The following DAB1 variants were observed in gnomAD, a reference collection of about 807,000 sequenced individuals.
The protein encoded by DAB1 is DAB adaptor protein 1.
Under a neutral mutation model 64.6 loss-of-function variants are expected in DAB1, and 15 were observed. The observed-to-expected ratio is 0.23, with a 90% CI of 0.16 to 0.36. The LOEUF is 0.36. Among genes scored for constraint, DAB1 ranks in the 10% least tolerant of loss-of-function variants. The probability of loss-of-function intolerance (pLI) is 1.00; values close to 1 mark genes in which losing one functional copy is unlikely to be tolerated. For missense variants in DAB1, 596 were observed against 706.7 expected (o/e 0.84, Z 1.78); for synonymous variants, 235 against 251.9 (o/e 0.93, Z 0.64).
chr1:57,332,140 T>G (rs1215156695), intron 1 of DAB1, among the ~76,000 whole-genome samples: 1 of 152,124 alleles, frequency 6.6e-6, no homozygotes, highest in Non-Finnish European at 1.5e-5. Flanking sequence ...ATTTTTGTAT[T>G]TTTAGTAGAG....
chr1:57,557,419 TAC>T (rs910093918), intron 7 of DAB1, among the ~76,000 whole-genome samples: 1 of 151,906 alleles, frequency 6.6e-6, no homozygotes, highest in African/African-American at 2.4e-5. Flanking sequence ...TATATATATA[TAC>T]ACACACACAT....
At chr1:58,324,971 T>C (rs545781380) in intron 4 of DAB1, among the ~76,000 whole-genome samples, 1 of 152,346 alleles carries the variant, frequency 6.6e-6, no homozygotes, top group African/African-American at 2.4e-5. Flanking sequence ...CTAACCAACT[T>C]GTTTTTCTTT....
At chr1:57,931,149 A>C (rs1644947448) in intron 5 of DAB1, among the ~76,000 whole-genome samples, 1 of 152,184 alleles carries the variant, frequency 6.6e-6, no homozygotes, top group African/African-American at 2.4e-5. Context: ...GTGATGGATT[A>C]TGTTATTTCA....
rs537763182 is a variant in DAB1, at chr1:57,520,470, G to GTTTA, written n.625+129121_625+129122insTAAA. ...TAAGGGTCAATTTTTTTGTTTGTTT[G>GTTTA]TTTTGCATATATTGTTCTTTAGTTT... On this transcript the variant is annotated intron_variant and non_coding_transcript_variant, in intron 7 of 20. Coordinates refer to the DAB1 transcript ENST00000485760. Among the ~76,000 whole-genome samples the GTTTA allele has an allele frequency of 3.9e-5, 6 of 151,926 alleles. No individual in the cohort carries two copies. In the South Asian group the frequency reaches 8.3e-4, roughly 21 times the overall value.
At chr1:58,122,362 G>A (rs1652798817) in intron 5 of DAB1, among the ~76,000 whole-genome samples, 1 of 152,134 alleles carries the variant, frequency 6.6e-6, no homozygotes, top group South Asian at 2.1e-4. Context: ...AAAATAGTAG[G>A]ATGACTTTGG....
chr1:57,141,092 A>T (rs541441767), intron 3 of DAB1, among the ~76,000 whole-genome samples: 4 of 152,206 alleles, frequency 2.6e-5, no homozygotes, highest in Admixed American at 1.3e-4. Flanking sequence ...AGAAAGCCCC[A>T]TGTAATAAGC....
chr1:57,439,428 T>TTTTTTTTTG (rs1685837083), intron 7 of DAB1, among the ~76,000 whole-genome samples: 1 of 119,820 alleles, frequency 8.3e-6, no homozygotes, highest in African/African-American at 3.3e-5. Flanking sequence ...GTTTTTTCTT[T>TTTTTTTTTG]TTTTTTTTTT....
chr1:57,867,677 C>T lies in DAB1; in HGVS notation n.87+16322G>A, dbSNP rs548592903. 2.6e-5 allele frequency among the ~76,000 whole-genome samples: 4 copies of T among 152,220 alleles called. No homozygotes were observed. The East Asian group carries it at 7.7e-4, about 29-fold the overall frequency. ...TAATCTGAATAATTCCAGGGCTCTC[C>T]ATTTTTCTAGATAAAGACACGGAGG... On this transcript the variant is annotated intron_variant and non_coding_transcript_variant, in intron 1 of 1. Transcript: ENST00000477280.
chr1:58,116,584 G>C (rs945199739), intron 5 of DAB1, among the ~76,000 whole-genome samples: 3 of 152,212 alleles, frequency 2.0e-5, no homozygotes, highest in African/African-American at 7.2e-5. Flanking sequence ...TGAGTGGACT[G>C]TGAGTCAGAG....
chr1:57,545,635 T>C (rs1328082112), intron 7 of DAB1, among the ~76,000 whole-genome samples: 1 of 152,208 alleles, frequency 6.6e-6, no homozygotes, highest in Non-Finnish European at 1.5e-5. Context: ...GTAATGATAA[T>C]AAGTCATCTA....
chr1:58,447,203 T>C (rs895440408), intron 3 of DAB1, among the ~76,000 whole-genome samples: 5 of 152,206 alleles, frequency 3.3e-5, no homozygotes, highest in Non-Finnish European at 7.3e-5. Flanking sequence ...AAGGGTTTGC[T>C]TGACTGTCAT....
chr1:58,379,310 A>C (rs1173646725), intron 3 of DAB1, among the ~76,000 whole-genome samples: 2 of 152,348 alleles, frequency 1.3e-5, no homozygotes, highest in East Asian at 1.9e-4. Flanking sequence ...TAAATCAATA[A>C]TTTTTAAATC....
At chr1:57,539,249 T>C (rs1644766999) in intron 7 of DAB1, among the ~76,000 whole-genome samples, 1 of 152,236 alleles carries the variant, frequency 6.6e-6, no homozygotes, top group South Asian at 2.1e-4. Flanking sequence ...CTTGGGTGAT[T>C]ACATGAATTG....
intron 3 of DAB1, among the ~76,000 whole-genome samples, chr1:58,494,650 CA>C: frequency 6.6e-6 from 1 of 152,124 alleles, no homozygotes; most frequent in South Asian, 2.1e-4. Context: ...TTTATGCAGC[CA>C]AAAGACACAT....
intron 7 of DAB1, among the ~76,000 whole-genome samples, chr1:57,540,623 A>T (rs1263062700): frequency 6.6e-6 from 1 of 152,244 alleles, no homozygotes; most frequent in African/African-American, 2.4e-5. Flanking sequence ...CCATAAAAAA[A>T]GAATAAAATC....
At chr1:57,964,648 A>G (rs922596509) in intron 5 of DAB1, among the ~76,000 whole-genome samples, 1 of 152,206 alleles carries the variant, frequency 6.6e-6, no homozygotes, top group African/African-American at 2.4e-5. Flanking sequence ...CTAGACTGCA[A>G]GCTCATTCAT....
At chr1:57,366,746 T>A (rs1325606187) in intron 1 of DAB1, among the ~76,000 whole-genome samples, 2 of 152,156 alleles carry the variant, frequency 1.3e-5, no homozygotes, top group African/African-American at 4.8e-5. Flanking sequence ...ATAATGAAAC[T>A]GAGGCTCAAA....
chr1:58,177,581 G>A (rs1156990192), intron 4 of DAB1, among the ~76,000 whole-genome samples: 1 of 152,108 alleles, frequency 6.6e-6, no homozygotes, highest in Non-Finnish European at 1.5e-5. Flanking sequence ...AATACACAGT[G>A]CCTGTTGTAC....
intron 1 of DAB1, among the ~76,000 whole-genome samples, chr1:57,335,527 A>G (rs144896161): frequency 7.9e-5 from 12 of 152,322 alleles, no homozygotes; most frequent in Admixed American, 7.2e-4. Flanking sequence ...AGGAAATACA[A>G]TAACAAAAAT....
Sources: allele counts gnomAD v4.1 joint callset (sites outside exome capture counted in the v4.1 genomes callset), GRCh38; gene constraint gnomAD v4.1.1; transcripts MANE v1.5; gene names NCBI Gene and HGNC (gene_info 2026-07-23, HGNC 2026-07-21).